The following OPCML variants were observed in gnomAD, a reference collection of about 807,000 sequenced individuals.
The protein encoded by OPCML is opioid binding protein/cell adhesion molecule like.
A neutral mutation model predicts 37.8 loss-of-function variants in OPCML; 13 were observed. That is an observed-to-expected ratio of 0.34 (90% confidence interval 0.22 to 0.55). The LOEUF (loss-of-function observed/expected upper bound fraction) is 0.55. OPCML is among the 20% of genes least tolerant of loss of function. The pLI, the probability that OPCML is intolerant of heterozygous loss-of-function variation, is 0.91. For missense variants in OPCML, 341 were observed against 435.6 expected, an observed-to-expected ratio of 0.78 and a Z score of 1.93; for synonymous variants, 176 against 168.8, an observed-to-expected ratio of 1.04 and a Z score of -0.33.
At chr11:132,437,681 G>A (rs1314054782) in intron 4 of OPCML, among the ~76,000 whole-genome samples, 1 of 152,114 alleles carries the variant, frequency 6.6e-6, no homozygotes, top group Non-Finnish European at 1.5e-5. Flanking sequence ...ATACTTCAGT[G>A]CATTGCCAAA....
In OPCML at chr11:132,943,174, C is replaced by T. The variant is rs1945644245; in HGVS notation, c.62-164G>A. Reference sequence around the variant, plus strand: ...CCCGCGCACCAGCGGGCTCGGGAAGCGGTGCGGGGAGGAGGGAAGGGGCAG... The same window carrying T: ...CCCGCGCACCAGCGGGCTCGGGAAGTGGTGCGGGGAGGAGGGAAGGGGCAG... On this transcript the variant is annotated intron_variant, in intron 1 of 7. Coordinates refer to ENST00000524381, the MANE Select transcript of OPCML (RefSeq NM_001012393.5). This position sits in a 1 kb window ranked among gnomAD's most constrained non-coding sequence, Gnocchi z 4.3. 1.3e-6 allele frequency: 2 copies of T among 1,594,196 alleles called. No individual in the cohort carries two copies. The highest frequency in any genetic ancestry group is 1.7e-6 in the Non-Finnish European group (2 of 1,166,500).
chr11:132,681,748 G>A (rs1002943515), intron 2 of OPCML, among the ~76,000 whole-genome samples: 9 of 152,196 alleles, frequency 5.9e-5, no homozygotes, highest in Admixed American at 5.9e-4. Context: ...GAGGTCAGGA[G>A]ATCGAGACCA....
chr11:133,471,426 G>C (rs1713293419), intron 1 of OPCML, among the ~76,000 whole-genome samples: 1 of 152,146 alleles, frequency 6.6e-6, no homozygotes, highest in Admixed American at 6.5e-5. Flanking sequence ...TTATGTAAGA[G>C]GAAGAGACAG....
In OPCML at chr11:132,431,310, C is replaced by T. The variant is rs905307166; in HGVS notation, c.916+4776G>A. Among the ~76,000 whole-genome samples, 15 of 152,350 alleles carry T rather than the reference C, an allele frequency of 9.8e-5. No individual in the cohort carries two copies. In the Middle Eastern group the frequency reaches 0.01, roughly 104 times the overall value. On this transcript the variant is annotated intron_variant, in intron 7 of 7. Coordinates refer to ENST00000524381, the MANE Select transcript of OPCML (RefSeq NM_001012393.5). ...CATCTTGCTCTGCTTTTCTGTTTTA[C>T]GCATGACTTAGGAACAGACAGCATC...
At chr11:132,743,043 A>T (rs545880870) in intron 2 of OPCML, among the ~76,000 whole-genome samples, 39 of 152,086 alleles carry the variant, frequency 2.6e-4, no homozygotes, top group Non-Finnish European at 5.1e-4. Flanking sequence ...TATTCCCAAG[A>T]TCAATGGAGT....
intron 1 of OPCML, among the ~76,000 whole-genome samples, chr11:133,159,703 T>C (rs555525272): frequency 6.6e-6 from 1 of 152,346 alleles, no homozygotes; most frequent in African/African-American, 2.4e-5. Context: ...CAGGGCTCTG[T>C]CACCCTTGGA....
chr11:133,218,177 A>T (rs568276749), intron 1 of OPCML, among the ~76,000 whole-genome samples: 2 of 152,210 alleles, frequency 1.3e-5, no homozygotes, highest in South Asian at 4.1e-4. Flanking sequence ...GTTGAGAATA[A>T]ATCATGGAGA....
chr11:133,404,910 A>T (rs978472633), intron 1 of OPCML, among the ~76,000 whole-genome samples: 1 of 152,270 alleles, frequency 6.6e-6, no homozygotes. Context: ...AAAACGTATC[A>T]TAAACATATG....
intron 1 of OPCML, among the ~76,000 whole-genome samples, chr11:133,335,388 T>C (rs1057179739): frequency 1.3e-5 from 2 of 152,122 alleles, no homozygotes; most frequent in South Asian, 2.1e-4. Context: ...GGCCGGCAGA[T>C]TGTCTTCAGA....
intron 2 of OPCML, among the ~76,000 whole-genome samples, chr11:132,807,083 A>C (rs11223217): frequency 0.22 from 33,980 of 152,168 alleles, 4,807 homozygotes; most frequent in Non-Finnish European, 0.33. Flanking sequence ...AAGACTTACA[A>C]TAAAATAAAA....
chr11:132,526,559 G>A (rs542872773), intron 4 of OPCML, among the ~76,000 whole-genome samples: 2 of 152,156 alleles, frequency 1.3e-5, no homozygotes, highest in East Asian at 3.9e-4. Flanking sequence ...CCTATAACAA[G>A]GCAGGAGCAA....
intron 1 of OPCML, among the ~76,000 whole-genome samples, chr11:133,241,910 C>A (rs892567358): frequency 7.2e-5 from 11 of 152,212 alleles, no homozygotes; most frequent in African/African-American, 2.7e-4. Flanking sequence ...TCCTACCGGG[C>A]TAGCTTGAGG....
chr11:133,174,569 G>T lies in OPCML; in HGVS notation c.62-231559C>A, dbSNP rs925293223. On this transcript the variant is annotated intron_variant, in intron 1 of 7. Transcript: ENST00000524381. This position sits in a 1 kb window ranked among gnomAD's most constrained non-coding sequence, Gnocchi z 4.6. ...TACCCAAAAATAGTCGAAAAGAGTT[G>T]TACTCTATCTATACAGTAAGTATAT... is the stretch of plus-strand genomic sequence containing the variant. Among the ~76,000 whole-genome samples, 2 of 146,074 alleles carry T rather than the reference G, an allele frequency of 1.4e-5. No individual in the cohort carries two copies. The highest frequency in any genetic ancestry group is 3.0e-5 in the Non-Finnish European group (2 of 67,274).
At chr11:132,484,747 GATGAGT>G (rs2096193772) in intron 4 of OPCML, among the ~76,000 whole-genome samples, 1 of 152,094 alleles carries the variant, frequency 6.6e-6, no homozygotes, top group African/African-American at 2.4e-5. Context: ...CATAAAAAAT[GATGAGT>G]TCATGTCCTT....
chr11:133,204,790 A>T (rs1938957544), intron 1 of OPCML, among the ~76,000 whole-genome samples: 1 of 150,712 alleles, frequency 6.6e-6, no homozygotes, highest in Non-Finnish European at 1.5e-5. Context: ...TTATCAGTTG[A>T]TACTGACCTT....
intron 1 of OPCML, among the ~76,000 whole-genome samples, chr11:133,184,787 C>T (rs2136291303): frequency 1.3e-5 from 2 of 152,280 alleles, no homozygotes; most frequent in South Asian, 4.1e-4. Context: ...TGTTATTTAG[C>T]ACAGGCAAGA....
intron 1 of OPCML, among the ~76,000 whole-genome samples, chr11:133,145,771 G>T (rs559872044): frequency 6.6e-6 from 1 of 152,200 alleles, no homozygotes. Context: ...TGCCGGAGGG[G>T]TCAGCACTGG....
chr11:133,282,290 A>G (rs1186047531), intron 1 of OPCML, among the ~76,000 whole-genome samples: 6 of 152,202 alleles, frequency 3.9e-5, no homozygotes, highest in Admixed American at 3.9e-4. Flanking sequence ...ATCTCCAGAC[A>G]CTGCTCCCCA....
chr11:133,160,610 T>G (rs1180378171), intron 1 of OPCML, among the ~76,000 whole-genome samples: 1 of 152,258 alleles, frequency 6.6e-6, no homozygotes, highest in African/African-American at 2.4e-5. Context: ...TTTATGCCCT[T>G]GCATCTTGCC....
Sources: gnomAD v4.1 joint callset for allele counts (sites outside exome capture counted in the v4.1 genomes callset) on GRCh38, gnomAD v4.1.1 for gene constraint, Gnocchi (gnomAD v3.1) non-coding constraint, MANE v1.5 for transcripts, NCBI Gene and HGNC (gene_info 2026-07-23, HGNC 2026-07-21) for gene names.